AGTPBP1: variants seen among roughly 807,000 people sequenced by gnomAD.
The protein encoded by AGTPBP1 is ATP/GTP binding carboxypeptidase 1.
Under a neutral mutation model 143.9 loss-of-function variants are expected in AGTPBP1, and 70 were observed. The observed-to-expected ratio is 0.49, with a 90% CI of 0.40 to 0.59. AGTPBP1 has a LOEUF of 0.59. AGTPBP1 is among the 20% of genes least tolerant of loss of function. The pLI, the probability that AGTPBP1 is intolerant of heterozygous loss-of-function variation, is 0.00. For synonymous variants in AGTPBP1, 463 were observed against 500.2 expected (o/e 0.93, Z 0.99); for missense variants, 1,229 against 1,464.5 (o/e 0.84, Z 2.62).
At chr9:85,612,809 G>C (rs1244204689) in intron 17 of AGTPBP1, among the ~76,000 whole-genome samples, 1 of 152,194 alleles carries the variant, frequency 6.6e-6, no homozygotes, top group South Asian at 2.1e-4. Flanking sequence ...ACTGGAATGT[G>C]TGGAGAAAAT....
chr9:85,772,630 G>A, the AGTPBP1 span, among the ~76,000 whole-genome samples: 1 of 152,074 alleles, frequency 6.6e-6, no homozygotes. Flanking sequence ...GCATGTACCT[G>A]TGGTCCCAGC....
At chr9:85,688,923 T>C (rs983962346) in intron 3 of AGTPBP1, among the ~76,000 whole-genome samples, 2 of 152,204 alleles carry the variant, frequency 1.3e-5, no homozygotes, top group Admixed American at 6.5e-5. Context: ...TTGATATGTA[T>C]CCTTCCTTTT....
intron 25 of AGTPBP1, among the ~76,000 whole-genome samples, chr9:85,548,412 G>GA (rs1825845528): frequency 6.6e-6 from 1 of 152,080 alleles, no homozygotes; most frequent in Non-Finnish European, 1.5e-5. Flanking sequence ...TCATTAAAGG[G>GA]AAAAATGCAT....
chr9:85,578,510 T>C (rs1293708806), intron 24 of AGTPBP1, among the ~76,000 whole-genome samples: 1 of 152,096 alleles, frequency 6.6e-6, no homozygotes, highest in Non-Finnish European at 1.5e-5. Context: ...AACCTAAATA[T>C]AACAAACCTG....
the AGTPBP1 span, among the ~76,000 whole-genome samples, chr9:85,801,034 G>A: frequency 1.3e-5 from 2 of 151,998 alleles, no homozygotes; most frequent in East Asian, 1.9e-4. Context: ...TTTTTGGGCC[G>A]GGTACTGTGG....
At chr9:85,720,969 T>A (rs377181107) in intron 1 of AGTPBP1, among the ~76,000 whole-genome samples, 2 of 152,298 alleles carry the variant, frequency 1.3e-5, no homozygotes, top group East Asian at 3.9e-4. Flanking sequence ...CATGTAGTTG[T>A]GCAGTTTTGA....
chr9:85,680,941 C>T (rs146481045), intron 4 of AGTPBP1, among the ~76,000 whole-genome samples: 1 of 152,226 alleles, frequency 6.6e-6, no homozygotes, highest in African/African-American at 2.4e-5. Flanking sequence ...CCAGCTAATG[C>T]TTTATTTTCT....
In AGTPBP1 at chr9:85,724,340, T is replaced by TA. The variant is rs760922291; in HGVS notation, c.-33-11775dup. Among the ~76,000 whole-genome samples, 3 of 151,540 alleles carry TA rather than the reference T, an allele frequency of 2.0e-5. No homozygotes were observed. In the South Asian group the frequency reaches 6.2e-4, roughly 31 times the overall value. On this transcript the variant is annotated intron_variant, in intron 1 of 25. Transcript: ENST00000357081. Reference sequence around the variant, plus strand: ...AAACATCTGTTCTTTATAAGCTACCTACTCTATGGTATTTTGCTGTAGTAG... The same window carrying TA: ...AAACATCTGTTCTTTATAAGCTACCTAACTCTATGGTATTTTGCTGTAGTAG...
chr9:85,607,928 G>A (rs912668925), intron 17 of AGTPBP1, among the ~76,000 whole-genome samples: 3 of 152,040 alleles, frequency 2.0e-5, no homozygotes, highest in Non-Finnish European at 4.4e-5. Context: ...CTTCTAACAC[G>A]TCTAGTATTA....
At chr9:85,657,410 C>A in intron 10 of AGTPBP1, 25 bp downstream of exon 10, 1 of 1,559,880 alleles carries the variant, frequency 6.4e-7, no homozygotes, top group Non-Finnish European at 8.8e-7. Flanking sequence ...TACATAATCA[C>A]AATAATAAGA....
At chr9:85,603,812 C>T (rs1350733931) in intron 17 of AGTPBP1, among the ~76,000 whole-genome samples, 1 of 152,082 alleles carries the variant, frequency 6.6e-6, no homozygotes, top group Admixed American at 6.5e-5. Flanking sequence ...CTGAAGAGAC[C>T]TTGTGCTTTG....
Position 85,586,852 on chromosome 9 carries a change from A to G in AGTPBP1, c.3012T>C (p.Ala1004=). The part of the protein sequence containing the change: ...YHAKGLLQYL[A]AVKRLPLVYC... ...TTACCAAGGGTAAACGCTTCACTGC[A>G]GCCAAGTATTGCAACAGCCCCTTAG... The change falls in exon 22 of 26, where the codon GCT becomes GCC. Residue 1004 remains alanine, a synonymous_variant. Transcript: ENST00000357081. 6.2e-7 allele frequency: 1 copy of G among 1,613,908 alleles called. No individual in the cohort carries two copies. Among genetic ancestry groups the G allele is most frequent in the Non-Finnish European group, 8.5e-7 (1 of 1,179,876 alleles).
chr9:85,702,258 C>CT (rs1160827232), intron 2 of AGTPBP1, among the ~76,000 whole-genome samples: 4 of 152,138 alleles, frequency 2.6e-5, no homozygotes, highest in Admixed American at 2.0e-4. Flanking sequence ...ATTACAGTTA[C>CT]AAGTATATTG....
chr9:85,727,888 C>A (rs1838608550), intron 1 of AGTPBP1, among the ~76,000 whole-genome samples: 1 of 151,960 alleles, frequency 6.6e-6, no homozygotes, highest in African/African-American at 2.4e-5. Flanking sequence ...ATTAGCTGGG[C>A]ATGGTGGCAT....
intron 1 of AGTPBP1, 147 bp from the exon 2 acceptor site, chr9:85,712,713 G>A (rs1837458710): frequency 2.5e-6 from 1 of 402,642 alleles, no homozygotes. Context: ...AGTTCTATGT[G>A]CTTCTACTGG....
intron 11 of AGTPBP1, among the ~76,000 whole-genome samples, 186 bp downstream of exon 11, chr9:85,654,957 T>C (rs994070772): frequency 7.2e-5 from 11 of 152,220 alleles, no homozygotes; most frequent in Non-Finnish European, 1.5e-4. Flanking sequence ...CCCACACCAT[T>C]TCACTTAATT....
Position 85,741,793 on chromosome 9 carries a change from T to A in AGTPBP1, c.-52A>T. On this transcript the variant is annotated 5_prime_UTR_variant, in exon 1 of 26. Coordinates refer to ENST00000357081, the MANE Select transcript of AGTPBP1 (RefSeq NM_001330701.2). ...CGCTCACCGGCTCAGGATGGGGCGC[T>A]GGCGGGGACCGCGCAGAGCCGCAGC... The A allele has an allele frequency of 7.4e-7, 1 of 1,355,400 alleles. No homozygotes were observed. Among genetic ancestry groups the A allele is most frequent in the Middle Eastern group, 2.8e-4 (1 of 3,620 alleles). 84.0% of individuals were successfully genotyped at this position (1,355,400 alleles called of 1,614,324 possible).
chr9:85,548,606 G>A (rs1825854853), intron 25 of AGTPBP1, among the ~76,000 whole-genome samples: 1 of 151,008 alleles, frequency 6.6e-6, no homozygotes, highest in Admixed American at 6.6e-5. Context: ...TATTTAGTAT[G>A]AATCTGTTAG....
At position 85,741,896 on chromosome 9, in the gene AGTPBP1, G is replaced by A; in HGVS notation, c.-155C>T. The A allele has an allele frequency of 7.4e-7, 1 of 1,357,616 alleles. No individual in the cohort carries two copies. The highest frequency in any genetic ancestry group is 9.5e-7 in the Non-Finnish European group (1 of 1,057,020). 84.1% of individuals were successfully genotyped at this position (1,357,616 alleles called of 1,614,324 possible). A position where few individuals can be genotyped will look rare whatever the true frequency, so the allele number is the denominator to read the frequency against. ...GTTTTCATACAAACCCCGGTGGCAG[G>A]CGAGGCGGAGGCGGCGGCGGCGGCA... On this transcript the variant is annotated 5_prime_UTR_variant, in exon 1 of 26. Transcript: ENST00000357081.
Sources: allele counts gnomAD v4.1 joint callset (sites outside exome capture counted in the v4.1 genomes callset), GRCh38; gene constraint gnomAD v4.1.1; transcripts MANE v1.5; gene names NCBI Gene and HGNC (gene_info 2026-07-23, HGNC 2026-07-21).